The following GABPB2 variants were observed in gnomAD, a reference collection of about 807,000 sequenced individuals.
GABPB2 encodes the protein GA binding protein transcription factor subunit beta 2.
GABPB2 carries 23 observed loss-of-function variants against 39.1 expected under a neutral mutation model. That is an observed-to-expected ratio of 0.59 (90% CI 0.42 to 0.83). GABPB2 has a LOEUF of 0.83. Among genes scored for constraint, GABPB2 ranks in the 40% least tolerant of loss-of-function variants. The pLI is 0.00. For missense variants in GABPB2, 467 were observed against 541.1 expected (o/e 0.86, Z 1.36); for synonymous variants, 184 against 199.3 (o/e 0.92, Z 0.65).
rs775990089 is a variant in GABPB2, at chr1:151,088,541, A to G, written c.108+244A>G. 12 of 970,910 alleles carry G rather than the reference A, an allele frequency of 1.2e-5. No individual in the cohort carries two copies. The East Asian group carries it at 4.4e-4, about 36-fold the overall frequency. The allele number at this position is 970,910 out of a possible 1,614,324, so 60.1% of individuals were successfully genotyped here. On this transcript the variant is annotated intron_variant, in intron 2 of 8. Transcript: ENST00000368918. ...AGGTATTATATACTTGTGATTTTCTATAATGTTTTTTAGAGTATTTTCTAA... is the reference window on the plus strand; with the variant it reads ...AGGTATTATATACTTGTGATTTTCTGTAATGTTTTTTAGAGTATTTTCTAA...
intron 1 of GABPB2, among the ~76,000 whole-genome samples, chr1:151,076,772 T>G (rs1221627688): frequency 6.6e-6 from 1 of 150,588 alleles, no homozygotes; most frequent in Non-Finnish European, 1.5e-5. Context: ...TAAAATAGAT[T>G]GGCTTTATTA....
At chr1:151,112,773 ATT>A in intron 7 of GABPB2, 1 of 158,846 alleles carries the variant, frequency 6.3e-6, no homozygotes, top group South Asian at 1.6e-4. Context: ...GAGCTCCCGA[ATT>A]TTTTTTTTCT....
chr1:151,098,078 G>T, intron 5 of GABPB2, 76 bp downstream of exon 5: 1 of 1,264,616 alleles, frequency 7.9e-7, no homozygotes, highest in Non-Finnish European at 1.1e-6. Flanking sequence ...GAGATGAATG[G>T]ATACCCTTTC....
intron 1 of GABPB2, among the ~76,000 whole-genome samples, chr1:151,078,018 C>T (rs756116306): frequency 1.3e-5 from 2 of 151,674 alleles, no homozygotes; most frequent in Admixed American, 6.6e-5. Context: ...CGCCTGTAAT[C>T]CCAGCACTTT....
In GABPB2 at chr1:151,118,535, G is replaced by A. The variant is rs780680229; in HGVS notation, c.*279G>A. 2 of 311,770 alleles carry A rather than the reference G, an allele frequency of 6.4e-6. No individual in the cohort carries two copies. Among genetic ancestry groups the A allele is most frequent in the Non-Finnish European group, 1.2e-5 (2 of 170,854 alleles). 19.3% of individuals were successfully genotyped at this position (311,770 alleles called of 1,614,324 possible). On this transcript the variant is annotated 3_prime_UTR_variant, in exon 9 of 9. Coordinates refer to ENST00000368918, the MANE Select transcript of GABPB2 (RefSeq NM_144618.3). ...AAGTAAAAGAATACTGCATGTTGTG[G>A]GTTGATTTTTTTTTTTTAAATAACT...
intron 5 of GABPB2, among the ~76,000 whole-genome samples, chr1:151,102,719 G>A (rs771073459): frequency 6.6e-6 from 1 of 152,186 alleles, no homozygotes; most frequent in African/African-American, 2.4e-5. Context: ...GAGGATTACA[G>A]GCATGAGCCA....
At chr1:151,104,564 A>G (rs1679783370) in intron 6 of GABPB2, among the ~76,000 whole-genome samples, 2 of 152,134 alleles carry the variant, frequency 1.3e-5, no homozygotes, top group South Asian at 4.1e-4. Flanking sequence ...TGGATAAATC[A>G]CTTCTCCAGG....
chr1:151,084,178 C>T (rs1411832231), intron 1 of GABPB2, among the ~76,000 whole-genome samples: 1 of 151,236 alleles, frequency 6.6e-6, no homozygotes, highest in Admixed American at 6.6e-5. Context: ...TCCCTAAATG[C>T]TGCAATTGCA....
intron 5 of GABPB2, among the ~76,000 whole-genome samples, chr1:151,103,040 T>C (rs1446543068): frequency 7.3e-6 from 1 of 136,410 alleles, no homozygotes; most frequent in Non-Finnish European, 1.5e-5. Flanking sequence ...CTGTACAAAG[T>C]ATACTTTTTT....
At chr1:151,093,171 A>C in intron 3 of GABPB2, 21 bp from the exon 4 acceptor site, 1 of 1,533,438 alleles carries the variant, frequency 6.5e-7, no homozygotes, top group African/African-American at 1.4e-5. Flanking sequence ...GTTTGTTGAA[A>C]AAAATGCTTT....
At chr1:151,110,364 G>T (rs959944898) in intron 7 of GABPB2, among the ~76,000 whole-genome samples, 5 of 151,720 alleles carry the variant, frequency 3.3e-5, no homozygotes, top group Admixed American at 2.0e-4. Flanking sequence ...AGTTTTTAGG[G>T]CTCATTGGGT....
At chr1:151,109,298 TTATA>T (rs33932552) in intron 7 of GABPB2, among the ~76,000 whole-genome samples, 13 of 139,362 alleles carry the variant, frequency 9.3e-5, no homozygotes, top group South Asian at 2.2e-4. Context: ...TTGTGGGGAT[TTATA>T]TATATATATA....
chr1:151,089,341 A>G (rs1678475398), intron 2 of GABPB2, among the ~76,000 whole-genome samples: 1 of 152,224 alleles, frequency 6.6e-6, no homozygotes, highest in Non-Finnish European at 1.5e-5. Flanking sequence ...AGAGAGGCTA[A>G]ATATATGAAA....
intron 2 of GABPB2, 54 bp downstream of exon 2, chr1:151,088,351 A>AT: frequency 1.4e-6 from 2 of 1,465,006 alleles, no homozygotes; most frequent in Non-Finnish European, 1.9e-6. Flanking sequence ...TTTTACCAAC[A>AT]TTTTTCTTAA....
rs776311835 is a variant in GABPB2, at chr1:151,107,056, A to G, written c.756A>G (p.Ile252Met). ...CTCTAGCCAATACAGAGGAAATTAT[A>G]GAAGGAAATTCCGTTGACTCATCAA... is the stretch of plus-strand genomic sequence containing the variant. ...HRATANTEEI[I>M]EGNSVDSSIQ... The change falls in exon 7 of 9, where the codon ATA becomes ATG. Residue 252 changes from isoleucine (I) to methionine (M), a missense_variant. Ile to Met is a conservative substitution (Grantham distance 10). Coordinates refer to ENST00000368918, the MANE Select transcript of GABPB2 (RefSeq NM_144618.3). 20 of 1,605,288 alleles carry G rather than the reference A, an allele frequency of 1.2e-5. No homozygotes were observed. Among genetic ancestry groups the G allele is most frequent in the Middle Eastern group, 3.3e-4 (2 of 6,030 alleles).
intron 1 of GABPB2, among the ~76,000 whole-genome samples, chr1:151,084,474 C>T (rs1677998885): frequency 6.6e-6 from 1 of 151,158 alleles, no homozygotes; most frequent in Non-Finnish European, 1.5e-5. Context: ...GATCAGCCCG[C>T]CTTGACCTCC....
rs138922372 is a variant in GABPB2 at position 151,096,651 on chromosome 1, C to G, written c.472-1201C>G. Among the ~76,000 whole-genome samples the G allele has an allele frequency of 2.6e-5, 4 of 152,062 alleles. No homozygotes were observed. In the East Asian group the frequency reaches 7.7e-4, roughly 29 times the overall value. ...TAAGCTACTTTTCACCAAAATTGAA[C>G]AGATATCCCTGGAAGCAAAAGTACA... On this transcript the variant is annotated intron_variant, in intron 4 of 8. Coordinates refer to ENST00000368918, the MANE Select transcript of GABPB2 (RefSeq NM_144618.3).
intron 7 of GABPB2, chr1:151,112,223 C>A (rs867770066): frequency 2.9e-4 from 12 of 40,794 alleles, no homozygotes; most frequent in Admixed American, 4.5e-4. Context: ...GACTCCATCT[C>A]AAAAAAAAAA....
chr1:151,086,545 C>CA (rs1320254750), intron 1 of GABPB2, among the ~76,000 whole-genome samples: 1 of 152,128 alleles, frequency 6.6e-6, no homozygotes, highest in African/African-American at 2.4e-5. Flanking sequence ...TGTATTATAA[C>CA]AAAAATAGTT....
Sources: gnomAD v4.1 joint callset for allele counts (sites outside exome capture counted in the v4.1 genomes callset) on GRCh38, gnomAD v4.1.1 for gene constraint, MANE v1.5 for transcripts, NCBI Gene and HGNC (gene_info 2026-07-23, HGNC 2026-07-21) for gene names.